ACKR2: variants seen among roughly 807,000 people sequenced by gnomAD.
ACKR2 encodes atypical chemokine receptor 2, also known as C-C chemokine receptor D6.
For missense variants in ACKR2, 457 were observed against 477.3 expected, an observed-to-expected ratio of 0.96 and a Z score of 0.40; for synonymous variants, 207 against 192.2, an observed-to-expected ratio of 1.08 and a Z score of -0.64.
At chr3:42,844,475 C>G (rs951699048) in intron 2 of ACKR2, among the ~76,000 whole-genome samples, 1 of 152,144 alleles carries the variant, frequency 6.6e-6, no homozygotes, top group Non-Finnish European at 1.5e-5. Context: ...ACATTATGTC[C>G]TGGAATTTCT....
Position 42,864,773 on chromosome 3 carries a change from T to G in ACKR2, c.271T>G (p.Ser91Ala). 1 of 1,614,246 alleles carries G rather than the reference T, an allele frequency of 6.2e-7. No individual in the cohort carries two copies. Among genetic ancestry groups the G allele is most frequent in the Non-Finnish European group, 8.5e-7 (1 of 1,180,042 alleles). ...VEIYLLNLAI[S>A]NLLFLVTLPF... is the part of the protein sequence containing the mutation. ...GATCTATCTGCTGAATCTGGCCATC[T>G]CCAACCTTCTGTTTCTGGTGACACT... The change falls in exon 3 of 3, where the codon TCC (serine) becomes GCC (alanine). Residue 91 changes from serine to alanine, a missense_variant. Ser to Ala is a moderately conservative substitution (Grantham distance 99). Coordinates refer to ENST00000422265, the MANE Select transcript of ACKR2 (RefSeq NM_001296.5).
At chr3:42,818,663 G>A (rs1325151545) in intron 1 of ACKR2, among the ~76,000 whole-genome samples, 1 of 152,174 alleles carries the variant, frequency 6.6e-6, no homozygotes, top group Non-Finnish European at 1.5e-5. Context: ...TCGGGTTCAA[G>A]CAATTCTCCT....
intron 2 of ACKR2, among the ~76,000 whole-genome samples, chr3:42,820,429 T>C (rs1700796856): frequency 6.6e-6 from 1 of 151,622 alleles, no homozygotes; most frequent in Non-Finnish European, 1.5e-5. Context: ...CCATCTCTAC[T>C]AAAAATACAA....
chr3:42,836,205 G>A (rs1020369036), intron 2 of ACKR2, among the ~76,000 whole-genome samples: 1 of 152,110 alleles, frequency 6.6e-6, no homozygotes, highest in African/African-American at 2.4e-5. Flanking sequence ...CACCTCCAAA[G>A]TTGTGATGAG....
chr3:42,820,885 T>C (rs917658960), intron 2 of ACKR2, among the ~76,000 whole-genome samples: 6 of 83,444 alleles, frequency 7.2e-5, no homozygotes, highest in African/African-American at 1.9e-4. Flanking sequence ...CATCAATAGT[T>C]TTTTTTTTTT....
intron 1 of ACKR2, among the ~76,000 whole-genome samples, chr3:42,819,113 A>G (rs1184898258): frequency 6.6e-6 from 1 of 152,116 alleles, no homozygotes; most frequent in African/African-American, 2.4e-5. Flanking sequence ...CAACACAACC[A>G]TCACCTCTTA....
chr3:42,856,346 C>G (rs1453946852), intron 2 of ACKR2: 1 of 702,002 alleles, frequency 1.4e-6, no homozygotes, highest in Non-Finnish European at 2.6e-6. Context: ...TGGGAGGACT[C>G]CAGGGCTCCC....
intron 1 of ACKR2, among the ~76,000 whole-genome samples, chr3:42,816,729 T>G (rs1700754363): frequency 6.6e-6 from 1 of 152,042 alleles, no homozygotes; most frequent in Non-Finnish European, 1.5e-5. Context: ...GCTATTTTTT[T>G]CTATTTTTAG....
In ACKR2 at chr3:42,852,611, G is replaced by T. The variant is rs1051474869; in HGVS notation, c.-37-11855G>T. The stretch of plus-strand genomic sequence containing the variant: ...AGCTATGTCTAGCTGGAAGCTGCAA[G>T]GGGACTCCTGCCCTGCTGAGGAATG... On this transcript the variant is annotated intron_variant, in intron 2 of 2. Transcript: ENST00000422265. The surrounding 1 kb of genome is among the most constrained non-coding windows in gnomAD (Gnocchi z 4.3). Among the ~76,000 whole-genome samples, 10 of 152,152 alleles carry T rather than the reference G, an allele frequency of 6.6e-5. No individual in the cohort carries two copies. Among genetic ancestry groups the T allele is most frequent in the African/African-American group, 2.4e-4 (10 of 41,428 alleles).
rs1559695017 is a variant in ACKR2, at chr3:42,865,226, C to G, written c.724C>G (p.Pro242Ala). ...TGGTTGTGTCTTGGTGAGGCTGAGGCCCGCAGGCCAGGGCCGGGCTTTAAA... is the reference window on the plus strand; with the variant it reads ...TGGTTGTGTCTTGGTGAGGCTGAGGGCCGCAGGCCAGGGCCGGGCTTTAAA... ...RIGCVLVRLR[P>A]AGQGRALKIA... The change falls in exon 3 of 3, where the codon CCC becomes GCC. Residue 242 changes from proline (P) to alanine (A), a missense_variant. Coordinates refer to ENST00000422265, the MANE Select transcript of ACKR2 (RefSeq NM_001296.5). 2 of 1,614,212 alleles carry G rather than the reference C, an allele frequency of 1.2e-6. No homozygotes were observed. The highest frequency in any genetic ancestry group is 1.7e-6 in the Non-Finnish European group (2 of 1,180,042).
intron 1 of ACKR2, among the ~76,000 whole-genome samples, chr3:42,817,553 C>A (rs1477885453): frequency 6.6e-6 from 1 of 152,154 alleles, no homozygotes; most frequent in Non-Finnish European, 1.5e-5. Flanking sequence ...GCTCTCTCAC[C>A]TGTAATTTCA....
At chr3:42,838,515 A>G (rs1457152744) in intron 2 of ACKR2, among the ~76,000 whole-genome samples, 4 of 149,498 alleles carry the variant, frequency 2.7e-5, no homozygotes, top group Non-Finnish European at 6.0e-5. Context: ...CACATTCATT[A>G]TAATGGCTAA....
intron 2 of ACKR2, among the ~76,000 whole-genome samples, chr3:42,837,221 G>GTT (rs879898582): frequency 6.8e-6 from 1 of 146,088 alleles, no homozygotes. Context: ...GGAGCCTGAA[G>GTT]TTTTTTTTTT....
At chr3:42,838,401 T>C (rs115554118) in intron 2 of ACKR2, among the ~76,000 whole-genome samples, 1,592 of 152,278 alleles carry the variant, frequency 0.01, 16 homozygotes, top group Non-Finnish European at 0.014. Flanking sequence ...AAAAAACACT[T>C]TCATTGAAGA....
intron 2 of ACKR2, among the ~76,000 whole-genome samples, chr3:42,832,062 A>T (rs1700936690): frequency 6.6e-6 from 1 of 152,178 alleles, no homozygotes; most frequent in African/African-American, 2.4e-5. Flanking sequence ...GAAACACAAA[A>T]CTTTGGAGAC....
intron 1 of ACKR2, among the ~76,000 whole-genome samples, chr3:42,810,576 A>T (rs1485716691): frequency 6.6e-6 from 1 of 151,976 alleles, no homozygotes. Flanking sequence ...CTTTCCCTCC[A>T]CTTTTTCTTT....
At position 42,862,389 on chromosome 3, in the gene ACKR2, C is replaced by T. The variant is rs560345146; in HGVS notation, c.-37-2077C>T. The stretch of plus-strand genomic sequence containing the variant: ...CACAAACAAATAGAAAAACATTCCA[C>T]GCTCATGGATAGGAAAAATGAATAT... On this transcript the variant is annotated intron_variant, in intron 2 of 2. Coordinates refer to ENST00000422265, the MANE Select transcript of ACKR2 (RefSeq NM_001296.5). Among the ~76,000 whole-genome samples the T allele has an allele frequency of 4.5e-4, 69 of 152,182 alleles. No individual in the cohort carries two copies. In the South Asian group the frequency reaches 8.1e-3, roughly 18 times the overall value.
chr3:42,815,742 T>C (rs1276271153), intron 1 of ACKR2, among the ~76,000 whole-genome samples: 2 of 152,238 alleles, frequency 1.3e-5, no homozygotes, highest in African/African-American at 4.8e-5. Context: ...TATCCGACCA[T>C]GTTCTGCTAA....
chr3:42,851,273 C>T, intron 2 of ACKR2: 1 of 817,898 alleles, frequency 1.2e-6, no homozygotes, highest in East Asian at 1.2e-4. Context: ...GGGGCAAGGG[C>T]AAAGGGATTT....
Sources: allele counts gnomAD v4.1 joint callset (sites outside exome capture counted in the v4.1 genomes callset), GRCh38; gene constraint gnomAD v4.1.1; non-coding constraint Gnocchi (gnomAD v3.1); transcripts MANE v1.5; gene names NCBI Gene and HGNC (gene_info 2026-07-23, HGNC 2026-07-21).